The following DACH1 variants were observed in gnomAD, a reference collection of about 807,000 sequenced individuals.
The protein encoded by DACH1 is dachshund homolog 1.
A neutral mutation model predicts 54.2 loss-of-function variants in DACH1; 12 were observed. The ratio of observed to expected loss-of-function variants is 0.22; its 90% CI spans 0.14 to 0.36. The LOEUF is 0.36. DACH1 is among the 10% of genes least tolerant of loss of function. DACH1 has a pLI of 1.00. For missense variants in DACH1, 805 were observed against 929.8 expected (o/e 0.87, Z 1.75); for synonymous variants, 386 against 366.2 (o/e 1.05, Z -0.62).
intron 1 of DACH1, among the ~76,000 whole-genome samples, chr13:71,843,148 A>G (rs1229897519): frequency 6.6e-6 from 1 of 152,172 alleles, no homozygotes; most frequent in Non-Finnish European, 1.5e-5. Context: ...ACAAGCATGC[A>G]ATGTGTAAAA....
chr13:71,734,900 A>C (rs1003630056), intron 1 of DACH1, among the ~76,000 whole-genome samples: 1 of 143,542 alleles, frequency 7.0e-6, no homozygotes, highest in Non-Finnish European at 1.5e-5. Context: ...TCCCATATAC[A>C]TATATGTATA....
chr13:71,801,715 G>T (rs556664641), intron 1 of DACH1, among the ~76,000 whole-genome samples: 1 of 152,036 alleles, frequency 6.6e-6, no homozygotes, highest in African/African-American at 2.4e-5. Context: ...AGTCTGAATT[G>T]TTTCCCATTT....
intron 3 of DACH1, among the ~76,000 whole-genome samples, chr13:71,577,820 ATTC>A (rs1885624838): frequency 6.6e-6 from 1 of 152,150 alleles, no homozygotes; most frequent in Admixed American, 6.6e-5. Flanking sequence ...GGACAAAGAT[ATTC>A]TTAGTTTCTC....
intron 1 of DACH1, among the ~76,000 whole-genome samples, chr13:71,799,384 T>A (rs186903108): frequency 6.6e-6 from 1 of 152,150 alleles, no homozygotes; most frequent in Non-Finnish European, 1.5e-5. Context: ...ACGTTTTACA[T>A]ATTCCCTATG....
chr13:71,726,676 T>A (rs1315110604), intron 1 of DACH1, among the ~76,000 whole-genome samples: 1 of 152,032 alleles, frequency 6.6e-6, no homozygotes, highest in Non-Finnish European at 1.5e-5. Flanking sequence ...TATAAAATAG[T>A]CTTATTTATC....
At chr13:71,569,571 G>A (rs1885082002) in intron 4 of DACH1, among the ~76,000 whole-genome samples, 1 of 151,954 alleles carries the variant, frequency 6.6e-6, no homozygotes, top group Non-Finnish European at 1.5e-5. Context: ...GGCAGCTTGG[G>A]GATTCAGACC....
chr13:71,729,672 A>T (rs1488466495), intron 1 of DACH1, among the ~76,000 whole-genome samples: 1 of 152,130 alleles, frequency 6.6e-6, no homozygotes, highest in Non-Finnish European at 1.5e-5. Flanking sequence ...GTTTAGAATC[A>T]GTTTAAAATA....
intron 1 of DACH1, among the ~76,000 whole-genome samples, chr13:71,785,403 G>A (rs370711998): frequency 6.6e-6 from 1 of 152,226 alleles, no homozygotes; most frequent in African/African-American, 2.4e-5. Context: ...AGAGCATACC[G>A]TATTCAAATG....
At chr13:71,830,919 T>C (rs887723187) in intron 1 of DACH1, among the ~76,000 whole-genome samples, 14 of 152,038 alleles carry the variant, frequency 9.2e-5, no homozygotes, top group African/African-American at 2.9e-4. Context: ...CCAAGACTGA[T>C]AGGACTTATC....
intron 7 of DACH1, among the ~76,000 whole-genome samples, chr13:71,483,469 C>A (rs1262355066): frequency 4.9e-5 from 7 of 143,040 alleles, no homozygotes; most frequent in Non-Finnish European, 7.6e-5. Flanking sequence ...ACAAATAATA[C>A]CTTATAATAA....
intron 6 of DACH1, among the ~76,000 whole-genome samples, chr13:71,519,437 A>T (rs1881407890): frequency 6.6e-6 from 1 of 151,790 alleles, no homozygotes; most frequent in African/African-American, 2.4e-5. Context: ...ATAGTTACCC[A>T]TGTCTACATT....
At chr13:71,581,650 A>G (rs6562676) in intron 3 of DACH1, among the ~76,000 whole-genome samples, 14,434 of 152,216 alleles carry the variant, frequency 0.095, 1,487 homozygotes, top group African/African-American at 0.26. Context: ...CTTAGTAACT[A>G]TTGAGATATA....
intron 1 of DACH1, among the ~76,000 whole-genome samples, chr13:71,717,713 C>T (rs1883042201): frequency 6.6e-6 from 1 of 151,856 alleles, no homozygotes; most frequent in African/African-American, 2.4e-5. Flanking sequence ...CTTCAGATTC[C>T]TGCTACTTAG....
chr13:71,790,326 A>G lies in DACH1; in HGVS notation c.848+75596T>C, dbSNP rs73525483. On this transcript the variant is annotated intron_variant, in intron 1 of 10. Transcript: ENST00000613252. The stretch of plus-strand genomic sequence containing the variant: ...TTAATGCATGATAGTTTTTAACTGA[A>G]GCATCTCTAGAAGTCCCACTAAAAC... Among the ~76,000 whole-genome samples the G allele has an allele frequency of 1.0e-2, 1,522 of 152,258 alleles. 16 individuals carry two copies. The highest frequency in any genetic ancestry group is 0.035 in the African/African-American group (1,453 of 41,568).
chr13:71,841,531 G>A (rs141991185), intron 1 of DACH1, among the ~76,000 whole-genome samples: 197 of 152,236 alleles, frequency 1.3e-3, no homozygotes, highest in African/African-American at 4.4e-3. Context: ...TGCTTGCATA[G>A]AAACACTTCT....
chr13:71,836,605 C>T (rs1888794364), intron 1 of DACH1, among the ~76,000 whole-genome samples: 1 of 152,010 alleles, frequency 6.6e-6, no homozygotes. Context: ...TCCTATTTCC[C>T]TCCTCTACTA....
At chr13:71,487,474 C>T (rs1444852093) in intron 7 of DACH1, among the ~76,000 whole-genome samples, 1 of 151,916 alleles carries the variant, frequency 6.6e-6, no homozygotes, top group Non-Finnish European at 1.5e-5. Flanking sequence ...GATAACATTC[C>T]TAATCTGAGT....
chr13:71,501,051 A>G (rs926077305), intron 6 of DACH1, among the ~76,000 whole-genome samples: 1 of 152,188 alleles, frequency 6.6e-6, no homozygotes, highest in African/African-American at 2.4e-5. Context: ...AAATCCACCT[A>G]TGACTGTAAA....
At chr13:71,497,344 T>A (rs899847727) in intron 6 of DACH1, among the ~76,000 whole-genome samples, 6 of 152,074 alleles carry the variant, frequency 3.9e-5, no homozygotes, top group Non-Finnish European at 8.8e-5. Flanking sequence ...TTCCTTTTTT[T>A]TTTTGAGACT....
Sources: gnomAD v4.1 joint callset for allele counts (sites outside exome capture counted in the v4.1 genomes callset) on GRCh38, gnomAD v4.1.1 for gene constraint, MANE v1.5 for transcripts, NCBI Gene and HGNC (gene_info 2026-07-23, HGNC 2026-07-21) for gene names.